THSD7B: variants seen among roughly 807,000 people sequenced by gnomAD.
The protein encoded by THSD7B is thrombospondin type-1 domain-containing protein 7B.
Under a neutral mutation model 213.6 loss-of-function variants are expected in THSD7B, and 138 were observed. The ratio of observed to expected loss-of-function variants is 0.65; its 90% confidence interval spans 0.56 to 0.74. The LOEUF is 0.74. THSD7B is among the 30% of genes least tolerant of loss of function. THSD7B has a pLI of 0.00. For missense variants in THSD7B, 1,931 were observed against 1,991.5 expected (o/e 0.97, Z 0.58); for synonymous variants, 742 against 687.0 (o/e 1.08, Z -1.25).
chr2:137,239,452 A>G (rs1681851423), intron 9 of THSD7B, among the ~76,000 whole-genome samples: 2 of 152,076 alleles, frequency 1.3e-5, no homozygotes. Context: ...CCCAACAACC[A>G]CTTTACTCCT....
intron 5 of THSD7B, among the ~76,000 whole-genome samples, chr2:137,149,950 G>A (rs1679782139): frequency 6.6e-6 from 1 of 152,172 alleles, no homozygotes; most frequent in African/African-American, 2.4e-5. Flanking sequence ...ATTTTGAAAT[G>A]TGAAGACATG....
intron 2 of THSD7B, among the ~76,000 whole-genome samples, chr2:137,053,771 C>T (rs75695806): frequency 1.8e-3 from 274 of 152,074 alleles, no homozygotes; most frequent in Non-Finnish European, 3.2e-3. Flanking sequence ...TGCTTAATAC[C>T]TAATCAAATA....
intron 12 of THSD7B, among the ~76,000 whole-genome samples, chr2:137,395,815 C>T (rs1427321715): frequency 6.7e-6 from 1 of 150,336 alleles, no homozygotes; most frequent in Non-Finnish European, 1.5e-5. Flanking sequence ...GGTTGGTAAA[C>T]TATTGATTAT....
At chr2:136,876,824 C>T (rs1683532650) in intron 1 of THSD7B, among the ~76,000 whole-genome samples, 1 of 152,162 alleles carries the variant, frequency 6.6e-6, no homozygotes, top group South Asian at 2.1e-4. Context: ...CCTGTATGAA[C>T]CCACAGCTGA....
At chr2:137,360,585 G>T (rs532739799) in intron 12 of THSD7B, among the ~76,000 whole-genome samples, 2 of 152,166 alleles carry the variant, frequency 1.3e-5, no homozygotes, top group African/African-American at 4.8e-5. Flanking sequence ...CTCAGTGGGT[G>T]CCAAACCCAC....
chr2:136,877,766 A>G (rs1215500780), intron 1 of THSD7B, among the ~76,000 whole-genome samples: 2 of 152,126 alleles, frequency 1.3e-5, no homozygotes, highest in African/African-American at 2.4e-5. Flanking sequence ...TACCACCTGT[A>G]TTTATAAGGA....
chr2:137,611,147 G>T (rs536819089), intron 17 of THSD7B, among the ~76,000 whole-genome samples: 2 of 151,562 alleles, frequency 1.3e-5, no homozygotes, highest in East Asian at 3.9e-4. Context: ...CTTTTGATAA[G>T]AATTTATCAT....
chr2:136,877,650 C>T (rs937027860), intron 1 of THSD7B, among the ~76,000 whole-genome samples: 5 of 152,172 alleles, frequency 3.3e-5, no homozygotes, highest in African/African-American at 1.2e-4. Flanking sequence ...CTGATTTGTA[C>T]TTTGCTACCG....
At chr2:137,423,319 G>T (rs1686968773) in intron 14 of THSD7B, among the ~76,000 whole-genome samples, 1 of 151,974 alleles carries the variant, frequency 6.6e-6, no homozygotes, top group African/African-American at 2.4e-5. Flanking sequence ...TAAATAAAAG[G>T]TATCTATATT....
intron 1 of THSD7B, among the ~76,000 whole-genome samples, chr2:136,792,126 G>C (rs752256522): frequency 1.3e-5 from 2 of 151,902 alleles, no homozygotes; most frequent in Non-Finnish European, 1.5e-5. Flanking sequence ...TAATGATGTT[G>C]TGCATTTTTG....
At chr2:137,458,761 C>A (rs1687820630) in intron 15 of THSD7B, among the ~76,000 whole-genome samples, 1 of 152,172 alleles carries the variant, frequency 6.6e-6, no homozygotes, top group African/African-American at 2.4e-5. Context: ...TCATCTTCAA[C>A]AGTGTCTAAT....
At chr2:137,657,871 C>T (rs746563319) in intron 24 of THSD7B, among the ~76,000 whole-genome samples, 25 of 152,144 alleles carry the variant, frequency 1.6e-4, no homozygotes, top group Admixed American at 9.2e-4. Flanking sequence ...CACGCCACCA[C>T]GCCCAGCTAA....
chr2:137,561,327 G>T (rs1333032686), intron 15 of THSD7B, among the ~76,000 whole-genome samples: 1 of 152,250 alleles, frequency 6.6e-6, no homozygotes, highest in East Asian at 1.9e-4. Flanking sequence ...GGGAGGGAAG[G>T]TGAAAATCTA....
intron 5 of THSD7B, among the ~76,000 whole-genome samples, chr2:137,116,176 A>G (rs937141926): frequency 5.3e-5 from 8 of 152,226 alleles, no homozygotes; most frequent in African/African-American, 1.7e-4. Flanking sequence ...TGCAGAGTTC[A>G]TAGGCATCTG....
chr2:137,091,641 G>T (rs867096656), intron 3 of THSD7B, among the ~76,000 whole-genome samples: 1 of 151,772 alleles, frequency 6.6e-6, no homozygotes, highest in Non-Finnish European at 1.5e-5. Flanking sequence ...CTGCCCTCCC[G>T]CTGTGTCTTC....
intron 12 of THSD7B, among the ~76,000 whole-genome samples, chr2:137,301,182 C>T (rs550597817): frequency 6.6e-6 from 1 of 152,202 alleles, no homozygotes; most frequent in Admixed American, 6.5e-5. Flanking sequence ...CAGACATTAA[C>T]CCAACTGCCC....
chr2:137,352,235 T>G (rs913966149), intron 12 of THSD7B, among the ~76,000 whole-genome samples: 1 of 151,622 alleles, frequency 6.6e-6, no homozygotes, highest in Admixed American at 6.6e-5. Context: ...AAGGATGAAG[T>G]CTTTTCAGGG....
At chr2:137,278,884 G>A (rs1682933773) in intron 12 of THSD7B, among the ~76,000 whole-genome samples, 1 of 152,126 alleles carries the variant, frequency 6.6e-6, no homozygotes, top group Admixed American at 6.6e-5. Context: ...TTGTAGATAA[G>A]AGGTATAGTT....
chr2:136,967,476 C>G (rs2104796944), intron 2 of THSD7B, among the ~76,000 whole-genome samples: 1 of 152,306 alleles, frequency 6.6e-6, no homozygotes, highest in South Asian at 2.1e-4. Flanking sequence ...TGCCATTGTT[C>G]CAGACTTCAT....
Sources: allele counts gnomAD v4.1 joint callset (sites outside exome capture counted in the v4.1 genomes callset), GRCh38; gene constraint gnomAD v4.1.1; transcripts MANE v1.5; gene names NCBI Gene and HGNC (gene_info 2026-07-23, HGNC 2026-07-21).